STK32B: variants seen among roughly 807,000 people sequenced by gnomAD.
STK32B encodes serine/threonine kinase 32B, also known as serine/threonine-protein kinase 32B.
Under a neutral mutation model 52.6 loss-of-function variants are expected in STK32B, and 43 were observed. That is an observed-to-expected ratio of 0.82 (90% confidence interval 0.64 to 1.05). The LOEUF is 1.05. Among genes scored for constraint, STK32B ranks in the 50% least tolerant of loss-of-function variants. The probability of loss-of-function intolerance (pLI) is 0.00; values close to 1 mark genes in which losing one functional copy is unlikely to be tolerated. For synonymous variants in STK32B, 238 were observed against 204.3 expected, an observed-to-expected ratio of 1.17 and a Z score of -1.41; for missense variants, 621 against 534.6, an observed-to-expected ratio of 1.16 and a Z score of -1.59.
intron 11 of STK32B, among the ~76,000 whole-genome samples, chr4:5,480,759 T>A (rs573691013): frequency 4.7e-5 from 7 of 147,586 alleles, no homozygotes; most frequent in Admixed American, 6.8e-5. Flanking sequence ...CAGGCCCCAG[T>A]GTGTAATGTT....
rs570347673 is a variant in STK32B at position 5,317,013 on chromosome 4, T to A, written c.261-14207T>A. On this transcript the variant is annotated intron_variant, in intron 3 of 11. Transcript: ENST00000282908. ...TATATGATATAATATATAATATATA[T>A]AATATATAATATATATGATATAATA... 6.0e-4 allele frequency among the ~76,000 whole-genome samples: 19 copies of A among 31,794 alleles called. 1 individual carries two copies. Among genetic ancestry groups the A allele is most frequent in the East Asian group, 1.6e-3 (1 of 616 alleles). 20.9% of individuals were successfully genotyped at this position (31,794 alleles called of 152,430 possible). A position where few individuals can be genotyped will look rare whatever the true frequency, so the allele number is the denominator to read the frequency against.
At position 5,061,787 on chromosome 4, in the gene STK32B, T is replaced by G. The variant is rs1027115141; in HGVS notation, c.52+9872T>G. The stretch of plus-strand genomic sequence containing the variant: ...CCTGGGTGTTTACCAAGCCTCCTCC[T>G]CTTTGGTAGTTCCTGATGTTCAGTG... On this transcript the variant is annotated intron_variant, in intron 1 of 11. Transcript: ENST00000282908. 9.9e-5 allele frequency among the ~76,000 whole-genome samples: 15 copies of G among 152,272 alleles called. No individual in the cohort carries two copies. In the East Asian group the frequency reaches 1.7e-3, roughly 18 times the overall value.
chr4:5,271,876 G>T (rs1211589474), intron 3 of STK32B, among the ~76,000 whole-genome samples: 1 of 141,310 alleles, frequency 7.1e-6, no homozygotes, highest in Non-Finnish European at 1.5e-5. Context: ...CTTTGCTGAA[G>T]TTGCTTATCA....
intron 3 of STK32B, among the ~76,000 whole-genome samples, chr4:5,181,468 G>A (rs1259657775): frequency 6.6e-6 from 1 of 152,016 alleles, no homozygotes; most frequent in Non-Finnish European, 1.5e-5. Context: ...TCTATTGCTG[G>A]AGGCCCCCAA....
At chr4:5,498,622 A>G (rs1451584364) in intron 11 of STK32B, among the ~76,000 whole-genome samples, 1 of 152,246 alleles carries the variant, frequency 6.6e-6, no homozygotes, top group South Asian at 2.1e-4. Context: ...ATATAAATAT[A>G]TGGTATATAC....
intron 3 of STK32B, among the ~76,000 whole-genome samples, chr4:5,296,483 T>C (rs774487035): frequency 6.4e-4 from 98 of 152,342 alleles, no homozygotes; most frequent in Non-Finnish European, 1.2e-3. Context: ...TAGTTAGCTC[T>C]TCTTGTTGCA....
At chr4:5,182,222 T>C (rs1246497362) in intron 3 of STK32B, among the ~76,000 whole-genome samples, 1 of 152,190 alleles carries the variant, frequency 6.6e-6, no homozygotes, top group East Asian at 1.9e-4. Context: ...TTACACCACA[T>C]CTGCAGTAAC....
rs1730409658 is a variant in STK32B, at chr4:5,312,995, A to T, written c.261-18225A>T. Among the ~76,000 whole-genome samples, 5 of 152,024 alleles carry T rather than the reference A, an allele frequency of 3.3e-5. No homozygotes were observed. In the South Asian group the frequency reaches 1.0e-3, roughly 32 times the overall value. On this transcript the variant is annotated intron_variant, in intron 3 of 11. Transcript: ENST00000282908. ...ATTTTATGAAACTTGTATTATCCTG[A>T]TAACAAAAGCAGATGAAGACAGTAT... is the stretch of plus-strand genomic sequence containing the variant.
chr4:5,075,092 T>A (rs567655910), intron 1 of STK32B, among the ~76,000 whole-genome samples: 1 of 152,302 alleles, frequency 6.6e-6, no homozygotes, highest in South Asian at 2.1e-4. Context: ...GGGGAGCTTG[T>A]ATGCACATTT....
chr4:5,035,079 G>A, the STK32B span, among the ~76,000 whole-genome samples: 1 of 152,200 alleles, frequency 6.6e-6, no homozygotes, highest in African/African-American at 2.4e-5. Flanking sequence ...AGAGGAATGT[G>A]GAGCCCTGCA....
intron 1 of STK32B, among the ~76,000 whole-genome samples, chr4:5,112,788 C>T (rs1316519032): frequency 6.6e-6 from 1 of 152,096 alleles, no homozygotes; most frequent in Non-Finnish European, 1.5e-5. Flanking sequence ...AGTGGTTTCA[C>T]AAAGAGCTGG....
rs1013913311 is a variant in STK32B at position 5,383,368 on chromosome 4, G to A, written c.435-14839G>A. On this transcript the variant is annotated intron_variant, in intron 4 of 11. Coordinates refer to ENST00000282908, the MANE Select transcript of STK32B (RefSeq NM_018401.3). ...AACAGCTGTGACAGTCATCCCAACC[G>A]GCTCCCAGAGGAATCCGAGCTGACC... Among the ~76,000 whole-genome samples the A allele has an allele frequency of 2.6e-5, 4 of 152,254 alleles. No homozygotes were observed. The South Asian group carries it at 6.2e-4, about 24-fold the overall frequency.
chr4:5,237,009 C>G (rs537619533), intron 3 of STK32B, among the ~76,000 whole-genome samples: 16 of 152,270 alleles, frequency 1.1e-4, no homozygotes, highest in Admixed American at 2.0e-4. Context: ...CCATTTGTCA[C>G]TGATTTTGCT....
intron 2 of STK32B, 196 bp downstream of exon 2, chr4:5,140,156 A>G: frequency 1.4e-6 from 2 of 1,441,690 alleles, no homozygotes; most frequent in Non-Finnish European, 1.9e-6. Context: ...AATTACCACA[A>G]CAGCCCTGGT....
At chr4:5,216,277 G>C (rs1180921791) in intron 3 of STK32B, among the ~76,000 whole-genome samples, 1 of 152,132 alleles carries the variant, frequency 6.6e-6, no homozygotes, top group Non-Finnish European at 1.5e-5. Flanking sequence ...AAGAACTGCT[G>C]TTAAAGACCA....
chr4:5,373,036 G>T (rs1160786149), intron 4 of STK32B, among the ~76,000 whole-genome samples: 1 of 152,148 alleles, frequency 6.6e-6, no homozygotes, highest in East Asian at 1.9e-4. Flanking sequence ...AATTGCTGTG[G>T]GGTCAGCCTA....
In STK32B at chr4:5,314,670, TAAAC is replaced by T. The variant is rs371393345; in HGVS notation, c.261-16546_261-16543del. ...GGGTGATAAGAGCAAGACTCCGTCT[TAAAC>T]AAAAACTCAAAATGGATCATGGATT... On this transcript the variant is annotated intron_variant, in intron 3 of 11. Transcript: ENST00000282908. Among the ~76,000 whole-genome samples the T allele has an allele frequency of 7.3e-4, 111 of 152,164 alleles. 2 individuals are homozygous for T. In the East Asian group the frequency reaches 0.017, roughly 23 times the overall value.
intron 3 of STK32B, among the ~76,000 whole-genome samples, chr4:5,296,002 T>G (rs1729174686): frequency 6.6e-6 from 1 of 152,250 alleles, no homozygotes. Flanking sequence ...TATTTATTTC[T>G]GCCTTAATTT....
At chr4:5,243,127 A>G (rs915516354) in intron 3 of STK32B, among the ~76,000 whole-genome samples, 1 of 152,180 alleles carries the variant, frequency 6.6e-6, no homozygotes, top group Admixed American at 6.5e-5. Flanking sequence ...AGTCGTTGGT[A>G]GCTTGATGGG....
Sources: gnomAD v4.1 joint callset for allele counts (sites outside exome capture counted in the v4.1 genomes callset) on GRCh38, gnomAD v4.1.1 for gene constraint, MANE v1.5 for transcripts, NCBI Gene and HGNC (gene_info 2026-07-23, HGNC 2026-07-21) for gene names.